FSIP1: variants seen among roughly 807,000 people sequenced by gnomAD.
FSIP1 encodes the protein fibrous sheath-interacting protein 1.
Under a neutral mutation model 60.9 loss-of-function variants are expected in FSIP1, and 65 were observed. The observed-to-expected ratio is 1.07, with a 90% CI of 0.87 to 1.31. The LOEUF is 1.31. Among genes scored for constraint, FSIP1 ranks in the 40% most tolerant of loss-of-function variants. FSIP1 has a pLI of 0.00. For missense variants in FSIP1, 675 were observed against 665.5 expected (o/e 1.01, Z -0.16); for synonymous variants, 209 against 221.2 (o/e 0.94, Z 0.49).
intron 11 of FSIP1, among the ~76,000 whole-genome samples, chr15:39,607,749 A>C (rs1890878553): frequency 6.6e-6 from 1 of 152,234 alleles, no homozygotes. Flanking sequence ...AGACCTCAGC[A>C]CATCAAGGAA....
intron 10 of FSIP1, among the ~76,000 whole-genome samples, chr15:39,656,661 G>T (rs10083552): frequency 0.016 from 2,386 of 152,278 alleles, 61 homozygotes; most frequent in African/African-American, 0.051. Flanking sequence ...TATGTGGAAA[G>T]CACTCTGTTA....
intron 10 of FSIP1, among the ~76,000 whole-genome samples, chr15:39,671,445 T>C (rs1312549007): frequency 6.6e-6 from 1 of 152,174 alleles, no homozygotes; most frequent in Non-Finnish European, 1.5e-5. Flanking sequence ...CAGAGACTAA[T>C]TATATGAAGA....
At chr15:39,669,559 T>A (rs1190769092) in intron 10 of FSIP1, among the ~76,000 whole-genome samples, 1 of 152,224 alleles carries the variant, frequency 6.6e-6, no homozygotes, top group South Asian at 2.1e-4. Context: ...CAGAAAGATA[T>A]CTTTATTTCA....
intron 4 of FSIP1, 70 bp from the exon 5 acceptor site, chr15:39,763,984 CCAA>C: frequency 1.2e-6 from 1 of 814,200 alleles, no homozygotes; most frequent in Non-Finnish European, 2.1e-6. Flanking sequence ...TTTTTAAACT[CCAA>C]CACGGCTCCC....
intron 8 of FSIP1, among the ~76,000 whole-genome samples, chr15:39,732,171 C>T (rs1896430370): frequency 2.0e-5 from 3 of 152,182 alleles, no homozygotes; most frequent in Admixed American, 2.0e-4. Flanking sequence ...TCTAATGCTG[C>T]AGCTAATGTG....
At chr15:39,679,950 C>A (rs1280989470) in intron 10 of FSIP1, among the ~76,000 whole-genome samples, 1 of 152,114 alleles carries the variant, frequency 6.6e-6, no homozygotes, top group Non-Finnish European at 1.5e-5. Context: ...TTCATTTGAA[C>A]GTTTATAACC....
chr15:39,613,334 C>T (rs1312469951), intron 11 of FSIP1, among the ~76,000 whole-genome samples: 1 of 152,074 alleles, frequency 6.6e-6, no homozygotes, highest in Non-Finnish European at 1.5e-5. Context: ...ATATAATAAC[C>T]TAGATATTTT....
intron 7 of FSIP1, among the ~76,000 whole-genome samples, 156 bp downstream of exon 7, chr15:39,739,509 T>C (rs1896732005): frequency 6.6e-6 from 1 of 152,206 alleles, no homozygotes; most frequent in South Asian, 2.1e-4. Context: ...AATGAAGTAC[T>C]GGTTCATAAA....
chr15:39,629,392 G>C (rs996648747), intron 10 of FSIP1, among the ~76,000 whole-genome samples: 6 of 152,140 alleles, frequency 3.9e-5, no homozygotes, highest in African/African-American at 1.4e-4. Flanking sequence ...AAAGGGGCTG[G>C]CTTCTAGATA....
intron 10 of FSIP1, among the ~76,000 whole-genome samples, chr15:39,651,442 T>C (rs10520144): frequency 0.026 from 3,902 of 152,308 alleles, 152 homozygotes; most frequent in East Asian, 0.1. Flanking sequence ...AAATATGACA[T>C]CTGGTGAAAG....
rs3065153 is a variant in FSIP1, at chr15:39,751,418, AACACACACAC to A, written c.560-9528_560-9519del. Among the ~76,000 whole-genome samples the A allele has an allele frequency of 1.7e-3, 245 of 144,860 alleles. 1 individual carries two copies. The highest frequency in any genetic ancestry group is 6.1e-3 in the East Asian group (30 of 4,942). ...ATGGATAAAGCAACTGTAATACATA[AACACACACAC>A]ACACACACACACACACACACACACA... is the stretch of plus-strand genomic sequence containing the variant. On this transcript the variant is annotated intron_variant, in intron 5 of 11. Transcript: ENST00000350221.
intron 10 of FSIP1, among the ~76,000 whole-genome samples, chr15:39,656,381 G>T (rs370930023): frequency 2.6e-5 from 4 of 152,136 alleles, no homozygotes; most frequent in South Asian, 4.1e-4. Context: ...AAACCAAAAC[G>T]AAGTTACAAA....
intron 10 of FSIP1, among the ~76,000 whole-genome samples, chr15:39,686,183 T>G (rs536097774): frequency 5.3e-5 from 8 of 152,174 alleles, no homozygotes; most frequent in African/African-American, 1.9e-4. Context: ...CAATTTCCAC[T>G]GGCAAGAAAG....
chr15:39,688,321 A>C (rs981927659), intron 10 of FSIP1, among the ~76,000 whole-genome samples: 4 of 152,198 alleles, frequency 2.6e-5, no homozygotes, highest in African/African-American at 9.7e-5. Flanking sequence ...TAACCTACTG[A>C]ACATCATAGT....
intron 11 of FSIP1, 40 bp downstream of exon 11, chr15:39,617,695 T>C (rs200011665): frequency 1.3e-6 from 2 of 1,557,118 alleles, no homozygotes. Flanking sequence ...GAGGTGCTTT[T>C]AAGAATTATT....
intron 10 of FSIP1, among the ~76,000 whole-genome samples, chr15:39,661,168 T>C (rs553431393): frequency 1.3e-5 from 2 of 152,254 alleles, no homozygotes; most frequent in South Asian, 4.1e-4. Flanking sequence ...ATTGTTGGTA[T>C]GCAAACTAGG....
chr15:39,779,469 T>G (rs1173338844), intron 1 of FSIP1, among the ~76,000 whole-genome samples: 1 of 152,194 alleles, frequency 6.6e-6, no homozygotes, highest in East Asian at 1.9e-4. Context: ...ATCTCTAGAA[T>G]GTACTAAAAG....
chr15:39,687,136 C>CTTTTTTTTTTTTTT lies in FSIP1; in HGVS notation c.1188+26307_1188+26308insAAAAAAAAAAAAAA, dbSNP rs1491090328. Reference sequence around the variant, plus strand: ...CACCTTTCTTTCTTTCTTTTCTTTTCCTTTTTTTTTTTTTTTTTTTTTTTT... The same window carrying CTTTTTTTTTTTTTT: ...CACCTTTCTTTCTTTCTTTTCTTTTCTTTTTTTTTTTTTTCTTTTTTTTTTTTTTTTTTTTTTTT... On this transcript the variant is annotated intron_variant, in intron 10 of 11. Transcript: ENST00000350221. Among the ~76,000 whole-genome samples the CTTTTTTTTTTTTTT allele has an allele frequency of 8.5e-3, 406 of 47,718 alleles. 92 individuals are homozygous for CTTTTTTTTTTTTTT. Among genetic ancestry groups the CTTTTTTTTTTTTTT allele is most frequent in the Non-Finnish European group, 9.5e-3 (253 of 26,612 alleles). 31.3% of individuals were successfully genotyped at this position (47,718 alleles called of 152,430 possible). A position where few individuals can be genotyped will look rare whatever the true frequency, so the allele number is the denominator to read the frequency against.
intron 7 of FSIP1, 61 bp from the exon 8 acceptor site, chr15:39,738,262 A>C: frequency 8.9e-7 from 1 of 1,125,432 alleles, no homozygotes; most frequent in Non-Finnish European, 1.3e-6. Flanking sequence ...TCAGGAAAAA[A>C]AAAATGGAAT....
Sources: allele counts gnomAD v4.1 joint callset (sites outside exome capture counted in the v4.1 genomes callset), GRCh38; gene constraint gnomAD v4.1.1; transcripts MANE v1.5; gene names NCBI Gene and HGNC (gene_info 2026-07-23, HGNC 2026-07-21).